Variants in TBL1XR1 observed in about 807,000 individuals in gnomAD.
TBL1XR1 encodes F-box-like/WD repeat-containing protein TBL1XR1.
TBL1XR1 carries 5 observed loss-of-function variants against 66.9 expected under a neutral mutation model. The observed-to-expected ratio is 0.07, with a 90% confidence interval of 0.04 to 0.16. The LOEUF (loss-of-function observed/expected upper bound fraction) is 0.16, where lower values mean the gene tolerates loss of function less well. Ranked by LOEUF, TBL1XR1 falls within the 10% of genes least tolerant of loss-of-function variation. TBL1XR1 has a pLI of 1.00. For synonymous variants in TBL1XR1, 210 were observed against 206.0 expected, an observed-to-expected ratio of 1.02 and a Z score of -0.17; for missense variants, 238 against 623.2, an observed-to-expected ratio of 0.38 and a Z score of 6.58.
intron 12 of TBL1XR1, 194 bp downstream of exon 12, chr3:177,037,904 T>C (rs1040002937): frequency 5.6e-6 from 3 of 537,474 alleles, no homozygotes; most frequent in East Asian, 6.2e-5. Flanking sequence ...ATTTGCTACA[T>C]TCAAATAGTT....
chr3:177,041,484 G>C lies in TBL1XR1; in HGVS notation c.926-3050C>G, dbSNP rs530642608. 5.7e-4 allele frequency among the ~76,000 whole-genome samples: 87 copies of C among 152,200 alleles called. 1 individual carries two copies. The South Asian group carries it at 0.017, about 31-fold the overall frequency. ...ATATTTCTTCACTTATTTCTCCTAA[G>C]AGGTTTTCCACAATAAGTCACTTCA... On this transcript the variant is annotated intron_variant, in intron 10 of 15. Coordinates refer to ENST00000457928, the MANE Select transcript of TBL1XR1 (RefSeq NM_024665.7).
At position 177,053,926 on chromosome 3, in the gene TBL1XR1, C is replaced by CA. The variant is rs772210584; in HGVS notation, c.59-9dup. The CA allele has an allele frequency of 4.4e-6, 7 of 1,596,310 alleles. No homozygotes were observed. In the African/African-American group the frequency reaches 8.1e-5, roughly 19 times the overall value. On this transcript the variant is annotated splice_polypyrimidine_tract_variant and intron_variant, in intron 3 of 15. Transcript: ENST00000457928. ...ATGCTGAATGAGAAAATCCTAAAAA[C>CA]AAAAGAAAAGGCATGAGAATTTATT...
chr3:177,077,375 T>TA (rs2108589565), intron 2 of TBL1XR1, among the ~76,000 whole-genome samples: 1 of 152,322 alleles, frequency 6.6e-6, no homozygotes, highest in Non-Finnish European at 1.5e-5. Context: ...AATACTTATT[T>TA]ACTTTAGATC....
In TBL1XR1 at chr3:177,046,039, C is replaced by A. The variant is rs1247508939; in HGVS notation, c.925+90G>T. 2.9e-6 allele frequency: 3 copies of A among 1,033,056 alleles called. No homozygotes were observed. In the East Asian group the frequency reaches 8.3e-5, roughly 29 times the overall value. The allele number at this position is 1,033,056 out of a possible 1,614,324, so 64.0% of individuals were successfully genotyped here. On this transcript the variant is annotated intron_variant, in intron 10 of 15. Transcript: ENST00000457928. ...GTAACAAGACTGATACTTGATATTT[C>A]AACATTTAAAATAAATTATATGCTG...
chr3:177,114,422 T>A (rs1252222140), intron 1 of TBL1XR1, among the ~76,000 whole-genome samples: 1 of 151,878 alleles, frequency 6.6e-6, no homozygotes, highest in Non-Finnish European at 1.5e-5. Context: ...GTTCAAAAGA[T>A]CCTCTTGACT....
chr3:177,160,093 T>C (rs1263665606), intron 1 of TBL1XR1, among the ~76,000 whole-genome samples: 1 of 152,058 alleles, frequency 6.6e-6, no homozygotes, highest in Non-Finnish European at 1.5e-5. Flanking sequence ...GGGAACAAAA[T>C]AATAGTACTT....
chr3:177,198,904 A>ACACT (rs1737261827), upstream of TBL1XR1, among the ~76,000 whole-genome samples: 2 of 141,222 alleles, frequency 1.4e-5, no homozygotes, highest in Non-Finnish European at 3.1e-5. Flanking sequence ...ACACACACAC[A>ACACT]CACTACTCGT....
chr3:177,109,783 G>A (rs901250529), intron 1 of TBL1XR1, among the ~76,000 whole-genome samples: 2 of 152,064 alleles, frequency 1.3e-5, no homozygotes, highest in Non-Finnish European at 2.9e-5. Context: ...GGGAAGAGAG[G>A]TGAAAGAGGA....
intron 2 of TBL1XR1, among the ~76,000 whole-genome samples, chr3:177,068,923 A>C (rs915716936): frequency 3.3e-5 from 5 of 152,250 alleles, no homozygotes; most frequent in African/African-American, 1.2e-4. Context: ...AAATTACTTT[A>C]TCTTACAAAC....
At chr3:177,098,618 A>G (rs900383482) in intron 1 of TBL1XR1, 77 bp from the exon 2 acceptor site, 1 of 755,966 alleles carries the variant, frequency 1.3e-6, no homozygotes, top group Non-Finnish European at 1.6e-6. Flanking sequence ...ACCAAATGTT[A>G]CATGTTTGAA....
chr3:177,169,749 A>G (rs1457696989), intron 1 of TBL1XR1, among the ~76,000 whole-genome samples: 1 of 152,234 alleles, frequency 6.6e-6, no homozygotes, highest in Non-Finnish European at 1.5e-5. Flanking sequence ...CAGCTCTAAA[A>G]GATGTAAATG....
At chr3:177,091,339 T>A (rs899814568) in intron 2 of TBL1XR1, among the ~76,000 whole-genome samples, 1 of 152,152 alleles carries the variant, frequency 6.6e-6, no homozygotes, top group Non-Finnish European at 1.5e-5. Flanking sequence ...GTACTTTATA[T>A]GTCATTTATA....
chr3:177,042,672 A>C (rs1715751387), intron 10 of TBL1XR1, among the ~76,000 whole-genome samples: 1 of 152,194 alleles, frequency 6.6e-6, no homozygotes, highest in Non-Finnish European at 1.5e-5. Context: ...AATTTTATGT[A>C]CCTGACAAGT....
chr3:177,134,596 G>C (rs145195230), intron 1 of TBL1XR1, among the ~76,000 whole-genome samples: 1 of 152,068 alleles, frequency 6.6e-6, no homozygotes, highest in Non-Finnish European at 1.5e-5. Flanking sequence ...AGATAATTCC[G>C]GTCTTTCCCC....
chr3:177,108,064 CAT>C (rs1725100897), intron 1 of TBL1XR1, among the ~76,000 whole-genome samples: 1 of 151,596 alleles, frequency 6.6e-6, no homozygotes, highest in African/African-American at 2.4e-5. Flanking sequence ...GTCCACAGGT[CAT>C]AGTTTGTTGA....
At chr3:177,180,112 C>T (rs1365283217) in intron 1 of TBL1XR1, among the ~76,000 whole-genome samples, 2 of 151,854 alleles carry the variant, frequency 1.3e-5, no homozygotes, top group Non-Finnish European at 2.9e-5. Flanking sequence ...TGGCACGTGC[C>T]TGTAATCCCA....
At chr3:177,040,356 T>C (rs1484738966) in intron 10 of TBL1XR1, among the ~76,000 whole-genome samples, 1 of 152,152 alleles carries the variant, frequency 6.6e-6, no homozygotes, top group Admixed American at 6.5e-5. Flanking sequence ...GTATACTAAT[T>C]AGTAGAAATA....
chr3:177,021,058 T>C lies in TBL1XR1; in HGVS notation c.*4440A>G, dbSNP rs1712290359. On this transcript the variant is annotated 3_prime_UTR_variant, in exon 16 of 16. Transcript: ENST00000457928. ...AACCTGTCATGGGCTGGTTTACACT[T>C]TTACAACAGTTTTAAAGTTAACTGG... is the stretch of plus-strand genomic sequence containing the variant. The C allele has an allele frequency of 2.0e-5, 3 of 152,180 alleles. No homozygotes were observed. Among genetic ancestry groups the C allele is most frequent in the Admixed American group, 6.5e-5 (1 of 15,278 alleles). 9.4% of individuals were successfully genotyped at this position (152,180 alleles called of 1,614,324 possible).
chr3:177,167,879 T>A (rs1733010633), intron 1 of TBL1XR1, among the ~76,000 whole-genome samples: 1 of 152,130 alleles, frequency 6.6e-6, no homozygotes, highest in African/African-American at 2.4e-5. Context: ...TGAGTCGAGA[T>A]CATGCCATTG....
Sources: gnomAD v4.1 joint callset for allele counts (sites outside exome capture counted in the v4.1 genomes callset) on GRCh38, gnomAD v4.1.1 for gene constraint, MANE v1.5 for transcripts, NCBI Gene and HGNC (gene_info 2026-07-23, HGNC 2026-07-21) for gene names.